The following CTDSPL variants were observed in gnomAD, a reference collection of about 807,000 sequenced individuals.
The protein encoded by CTDSPL is CTD small phosphatase-like protein.
CTDSPL carries 8 observed loss-of-function variants against 30.5 expected under a neutral mutation model. That is an observed-to-expected ratio of 0.26 (90% CI 0.15 to 0.47). The LOEUF (loss-of-function observed/expected upper bound fraction) is 0.47, where lower values mean the gene tolerates loss of function less well. Among genes scored for constraint, CTDSPL ranks in the 20% least tolerant of loss-of-function variants. CTDSPL has a pLI of 0.99. For synonymous variants in CTDSPL, 110 were observed against 137.9 expected (o/e 0.80, Z 1.42); for missense variants, 248 against 366.1 (o/e 0.68, Z 2.63).
rs368775325 is a variant in CTDSPL, at chr3:37,975,697, C to T, written c.520-12C>T. On this transcript the variant is annotated splice_polypyrimidine_tract_variant and intron_variant, in intron 6 of 7. Transcript: ENST00000273179. The surrounding 1 kb of genome is among the most constrained non-coding windows in gnomAD (Gnocchi z 4.9). ...TAAACACCCAGCCTTCATTGTGACA[C>T]GTCTTTTCCAGTATGCAGACCCTGT... 88 of 1,591,574 alleles carry T rather than the reference C, an allele frequency of 5.5e-5. No individual in the cohort carries two copies. Among genetic ancestry groups the T allele is most frequent in the Non-Finnish European group, 7.0e-5 (81 of 1,164,414 alleles).
At chr3:37,954,360 A>G (rs771243486) in intron 2 of CTDSPL, 2 of 152,246 alleles carry the variant, frequency 1.3e-5, no homozygotes, top group Non-Finnish European at 2.9e-5. Flanking sequence ...CATTTCCATA[A>G]CACTTGACTA....
chr3:37,962,923 C>T (rs939055348), intron 3 of CTDSPL, among the ~76,000 whole-genome samples: 2 of 152,172 alleles, frequency 1.3e-5, no homozygotes, highest in African/African-American at 4.8e-5. Context: ...CAAAAATGAC[C>T]CACATTCTCT....
At chr3:37,958,057 C>G (rs547172007) in intron 3 of CTDSPL, among the ~76,000 whole-genome samples, 2 of 152,316 alleles carry the variant, frequency 1.3e-5, no homozygotes, top group South Asian at 4.1e-4. Flanking sequence ...GTGTTCATCT[C>G]TCTTTCCTTG....
rs374514325 is a variant in CTDSPL, at chr3:37,957,936, A to G, written c.267+793A>G. Among the ~76,000 whole-genome samples, 56 of 152,292 alleles carry G rather than the reference A, an allele frequency of 3.7e-4. 3 individuals carry two copies. The highest frequency in any genetic ancestry group is 1.7e-3 in the Admixed American group (26 of 15,308). ...AGTTGAGATGCCTGTATCAAACAAG[A>G]CCTTTCAAATAGTCTTATGTCCTTA... On this transcript the variant is annotated intron_variant, in intron 3 of 7. Coordinates refer to ENST00000273179, the MANE Select transcript of CTDSPL (RefSeq NM_001008392.2).
intron 4 of CTDSPL, 75 bp downstream of exon 4, chr3:37,964,747 A>G: frequency 2.5e-6 from 3 of 1,183,612 alleles, no homozygotes; most frequent in Non-Finnish European, 3.7e-6. Context: ...GAAAACAAAA[A>G]GGATGAAAGC....
chr3:37,862,132 G>T lies in CTDSPL; in HGVS notation c.-68G>T. The stretch of plus-strand genomic sequence containing the variant: ...CCCGCGCCGCGCCCCCGCGCCCCCC[G>T]CGCCGCGCCCCCGCGCGCTTGGCTT... On this transcript the variant is annotated 5_prime_UTR_variant, in exon 1 of 8. Transcript: ENST00000273179. This position sits in a 1 kb window ranked among gnomAD's most constrained non-coding sequence, Gnocchi z 4.3. 1.2e-6 allele frequency: 1 copy of T among 818,076 alleles called. No individual in the cohort carries two copies. Among genetic ancestry groups the T allele is most frequent in the Non-Finnish European group, 1.5e-6 (1 of 682,080 alleles). The allele number at this position is 818,076 out of a possible 1,614,324, so 50.7% of individuals were successfully genotyped here.
chr3:37,979,052 A>G (rs1384564902), intron 7 of CTDSPL, among the ~76,000 whole-genome samples: 1 of 152,160 alleles, frequency 6.6e-6, no homozygotes, highest in Non-Finnish European at 1.5e-5. Context: ...ATTGATCTGT[A>G]GTGTATGTTT....
intron 5 of CTDSPL, 134 bp downstream of exon 5, chr3:37,968,016 T>G (rs1045535818): frequency 6.1e-5 from 38 of 625,090 alleles, no homozygotes; most frequent in Non-Finnish European, 9.8e-5. Flanking sequence ...CTGTAATAAA[T>G]ACAATGTTTT....
chr3:37,884,067 CAT>C (rs1321703057), intron 1 of CTDSPL, among the ~76,000 whole-genome samples: 2 of 152,014 alleles, frequency 1.3e-5, no homozygotes, highest in African/African-American at 4.8e-5. Context: ...GTATATCAAA[CAT>C]AAAATGTTAG....
chr3:37,969,766 G>A (rs141354299), intron 5 of CTDSPL, among the ~76,000 whole-genome samples: 75 of 152,268 alleles, frequency 4.9e-4, no homozygotes, highest in African/African-American at 1.6e-3. Context: ...ACGACATCCT[G>A]TTCCTCCAGC....
chr3:37,878,249 A>G (rs1161720051), intron 1 of CTDSPL, among the ~76,000 whole-genome samples: 1 of 152,094 alleles, frequency 6.6e-6, no homozygotes, highest in African/African-American at 2.4e-5. Context: ...ATGGTGTCAT[A>G]CCTGAGAAAT....
chr3:37,956,296 A>T (rs1382448694), intron 2 of CTDSPL, among the ~76,000 whole-genome samples: 2 of 152,242 alleles, frequency 1.3e-5, no homozygotes, highest in Non-Finnish European at 2.9e-5. Flanking sequence ...CTTAATAAAA[A>T]TGGACACATC....
rs1447195670 is a variant in CTDSPL, at chr3:37,975,894, A to G, written c.705A>G (p.Ala235=). 6.2e-7 allele frequency: 1 copy of G among 1,611,798 alleles called. No homozygotes were observed. The highest frequency in any genetic ancestry group is 1.1e-5 in the South Asian group (1 of 90,902). Residue 235 remains alanine (A), a splice_region_variant and synonymous_variant, in exon 7 of 8, where the codon GCA becomes GCG. Coordinates refer to ENST00000273179, the MANE Select transcript of CTDSPL (RefSeq NM_001008392.2). The surrounding 1 kb of genome is among the most constrained non-coding windows in gnomAD (Gnocchi z 4.9). ...CATACATCTTCCATCCTGAGAATGC[A>G]GTAAGTGGCCCCAAAGAAAGAAAAT... ...PASYIFHPEN[A]VPVQSWFDDM... is the part of the protein sequence containing the mutation.
intron 1 of CTDSPL, among the ~76,000 whole-genome samples, chr3:37,891,439 G>A (rs1437307779): frequency 6.6e-6 from 1 of 152,190 alleles, no homozygotes; most frequent in Non-Finnish European, 1.5e-5. Context: ...GCACAGGTGT[G>A]CAGGGCACCA....
chr3:37,921,281 C>A (rs563510390), intron 1 of CTDSPL, among the ~76,000 whole-genome samples: 8 of 152,328 alleles, frequency 5.3e-5, no homozygotes, highest in African/African-American at 1.9e-4. Context: ...CCAGATCTTT[C>A]CACTGCCCCA....
intron 1 of CTDSPL, among the ~76,000 whole-genome samples, chr3:37,895,837 C>T (rs986732645): frequency 1.3e-5 from 2 of 152,048 alleles, no homozygotes; most frequent in African/African-American, 4.8e-5. Context: ...TGAATGTACA[C>T]TTAAGATTTG....
rs1025062487 is a variant in CTDSPL, at chr3:37,940,361, C to G, written c.80-6696C>G. ...CCTTTCCATTTCAAATCACATAAAC[C>G]CAATTATATTGGCTTAGGAGCAAAA... On this transcript the variant is annotated intron_variant, in intron 1 of 7. Transcript: ENST00000273179. Among the ~76,000 whole-genome samples the G allele has an allele frequency of 2.0e-5, 3 of 150,390 alleles. 1 individual carries two copies. Among genetic ancestry groups the G allele is most frequent in the African/African-American group, 7.3e-5 (3 of 41,276 alleles).
intron 4 of CTDSPL, among the ~76,000 whole-genome samples, chr3:37,965,123 A>G (rs1699285873): frequency 1.3e-5 from 2 of 152,290 alleles, no homozygotes; most frequent in South Asian, 4.1e-4. Context: ...AAGATGTCCA[A>G]CTCTGAAGAA....
intron 1 of CTDSPL, among the ~76,000 whole-genome samples, chr3:37,913,713 G>A (rs1698610084): frequency 6.6e-6 from 1 of 152,176 alleles, no homozygotes; most frequent in Admixed American, 6.5e-5. Context: ...GAACTTCTCT[G>A]GGATTACACA....
Sources: allele counts gnomAD v4.1 joint callset (sites outside exome capture counted in the v4.1 genomes callset), GRCh38; gene constraint gnomAD v4.1.1; non-coding constraint Gnocchi (gnomAD v3.1); transcripts MANE v1.5; gene names NCBI Gene and HGNC (gene_info 2026-07-23, HGNC 2026-07-21).